The following YWHAQ variants were observed in gnomAD, a reference collection of about 807,000 sequenced individuals.
YWHAQ encodes the protein tyrosine 3-monooxygenase/tryptophan 5-monooxygenase activation protein theta, also known as 14-3-3 protein theta.
Under a neutral mutation model 28.3 loss-of-function variants are expected in YWHAQ, and 6 were observed. That is an observed-to-expected ratio of 0.21 (90% CI 0.12 to 0.42). The LOEUF is 0.42. Ranked by LOEUF, YWHAQ falls within the 10% of genes least tolerant of loss-of-function variation. The pLI, the probability that YWHAQ is intolerant of heterozygous loss-of-function variation, is 1.00. For synonymous variants in YWHAQ, 143 were observed against 119.1 expected (o/e 1.20, Z -1.31); for missense variants, 201 against 305.6 (o/e 0.66, Z 2.55).
intron 2 of YWHAQ, among the ~76,000 whole-genome samples, chr2:9,619,056 C>G (rs1015993499): frequency 1.3e-5 from 2 of 152,082 alleles, no homozygotes; most frequent in African/African-American, 2.4e-5. Flanking sequence ...TTAGTAGGTC[C>G]TTTAAAGACT....
At chr2:9,606,427 A>G (rs1189790390) in intron 2 of YWHAQ, among the ~76,000 whole-genome samples, 1 of 152,126 alleles carries the variant, frequency 6.6e-6, no homozygotes, top group African/African-American at 2.4e-5. Context: ...AAATAAAAAT[A>G]AAAATAAAAA....
In YWHAQ at chr2:9,585,598, T is replaced by C. The variant is rs1279711071; in HGVS notation, c.679-253A>G. ...CATATACCACTGGAGCATGGTTTTA[T>C]AGCTTCCTTTTTATTTAAAAAGCAT... On this transcript the variant is annotated intron_variant, in intron 5 of 5. Transcript: ENST00000238081. 2.0e-5 allele frequency among the ~76,000 whole-genome samples: 3 copies of C among 152,166 alleles called. No individual in the cohort carries two copies. In the East Asian group the frequency reaches 5.8e-4, roughly 29 times the overall value.
intron 2 of YWHAQ, among the ~76,000 whole-genome samples, chr2:9,593,177 T>C (rs1666491757): frequency 6.6e-6 from 1 of 152,004 alleles, no homozygotes; most frequent in South Asian, 2.1e-4. Flanking sequence ...AACCAAGAAC[T>C]TTCTTCTTGT....
intron 3 of YWHAQ, among the ~76,000 whole-genome samples, chr2:9,589,137 A>G (rs955257381): frequency 1.3e-5 from 2 of 152,054 alleles, no homozygotes; most frequent in African/African-American, 4.8e-5. Context: ...AAAACAAAAA[A>G]CCAGTTTAGA....
chr2:9,613,401 G>A (rs1015591771), intron 2 of YWHAQ, among the ~76,000 whole-genome samples: 2 of 152,176 alleles, frequency 1.3e-5, no homozygotes, highest in African/African-American at 4.8e-5. Context: ...GAGAATATGG[G>A]CTCCTCACAC....
intron 2 of YWHAQ, among the ~76,000 whole-genome samples, chr2:9,604,489 T>C (rs574761799): frequency 6.6e-6 from 1 of 152,314 alleles, no homozygotes; most frequent in Non-Finnish European, 1.5e-5. Context: ...GTTCCTCAGT[T>C]TCATCTCCTC....
chr2:9,589,470 G>A (rs1258877378), intron 3 of YWHAQ, among the ~76,000 whole-genome samples: 1 of 152,100 alleles, frequency 6.6e-6, no homozygotes, highest in Non-Finnish European at 1.5e-5. Flanking sequence ...TGTAATCCCA[G>A]CTACTTGGGA....
At chr2:9,609,257 G>T (rs1666896927) in intron 2 of YWHAQ, among the ~76,000 whole-genome samples, 1 of 152,040 alleles carries the variant, frequency 6.6e-6, no homozygotes, top group Non-Finnish European at 1.5e-5. Context: ...ATTTTAAAAG[G>T]CAGCTTGGAG....
chr2:9,598,011 T>TTTTTTTTTTTTTTTG (rs1397521514), intron 2 of YWHAQ, among the ~76,000 whole-genome samples: 32 of 137,206 alleles, frequency 2.3e-4, no homozygotes, highest in Non-Finnish European at 3.5e-4. Flanking sequence ...TTTTTTTTTT[T>TTTTTTTTTTTTTTTG]TTAGTAGAGA....
At chr2:9,606,702 G>A (rs1666836767) in intron 2 of YWHAQ, among the ~76,000 whole-genome samples, 1 of 151,972 alleles carries the variant, frequency 6.6e-6, no homozygotes, top group African/African-American at 2.4e-5. Context: ...GCTAATTTCT[G>A]TATTTTTACT....
chr2:9,597,721 A>T (rs1337920506), intron 2 of YWHAQ, among the ~76,000 whole-genome samples: 1 of 151,304 alleles, frequency 6.6e-6, no homozygotes, highest in Non-Finnish European at 1.5e-5. Context: ...TCTGGTGCCC[A>T]TGTTAAGTTC....
intron 2 of YWHAQ, among the ~76,000 whole-genome samples, chr2:9,609,659 A>C (rs1405046502): frequency 6.6e-6 from 1 of 152,234 alleles, no homozygotes; most frequent in Non-Finnish European, 1.5e-5. Flanking sequence ...AAGCAACCAG[A>C]GAAATGACAC....
intron 3 of YWHAQ, among the ~76,000 whole-genome samples, chr2:9,589,340 T>C (rs938923032): frequency 3.3e-5 from 5 of 152,118 alleles, no homozygotes; most frequent in Non-Finnish European, 5.9e-5. Context: ...TCCTAACACT[T>C]TGGGAGGCTG....
At chr2:9,613,131 G>C (rs1222062418) in intron 2 of YWHAQ, among the ~76,000 whole-genome samples, 2 of 152,114 alleles carry the variant, frequency 1.3e-5, no homozygotes, top group Non-Finnish European at 2.9e-5. Flanking sequence ...GATAAGAAGA[G>C]GGAAAATCCT....
intron 2 of YWHAQ, among the ~76,000 whole-genome samples, chr2:9,598,042 C>G (rs1413141891): frequency 7.8e-6 from 1 of 128,968 alleles, no homozygotes. Context: ...CCATGTTGGT[C>G]AGGCTGGTCT....
At chr2:9,597,095 G>A (rs2125064853) in intron 2 of YWHAQ, among the ~76,000 whole-genome samples, 1 of 152,274 alleles carries the variant, frequency 6.6e-6, no homozygotes, top group East Asian at 1.9e-4. Context: ...CTTCTCAAGT[G>A]TCTGTCTCTG....
At chr2:9,602,846 AAAAAAAAAAAAAAAAAATATATAT>A (rs1346825436) in intron 2 of YWHAQ, among the ~76,000 whole-genome samples, 15 of 41,754 alleles carry the variant, frequency 3.6e-4, no homozygotes, top group African/African-American at 8.1e-4. Context: ...AAAAAAAAAA[AAAAAAAAAAAAAAAAAATATATAT>A]ATATATATAT....
intron 2 of YWHAQ, among the ~76,000 whole-genome samples, chr2:9,614,746 G>T (rs1439984236): frequency 6.6e-6 from 1 of 152,100 alleles, no homozygotes; most frequent in East Asian, 1.9e-4. Context: ...CCACTACTAC[G>T]TTATAGAAAT....
chr2:9,585,366 TTAAG>T, intron 5 of YWHAQ, 21 bp from the exon 6 acceptor site: 1 of 1,613,710 alleles, frequency 6.2e-7, no homozygotes, highest in African/African-American at 1.3e-5. Flanking sequence ...AAGAATCATA[TTAAG>T]TTACTATTTC....
Sources: gnomAD v4.1 joint callset for allele counts (sites outside exome capture counted in the v4.1 genomes callset) on GRCh38, gnomAD v4.1.1 for gene constraint, MANE v1.5 for transcripts, NCBI Gene and HGNC (gene_info 2026-07-23, HGNC 2026-07-21) for gene names.